Variants in FAR2 observed in about 807,000 individuals in gnomAD.
The protein encoded by FAR2 is fatty acyl-CoA reductase 2.
In FAR2, 19 loss-of-function variants were observed where a neutral mutation model predicts 56.0. The observed-to-expected ratio is 0.34, with a 90% CI of 0.24 to 0.50. FAR2 has a LOEUF of 0.50. Among genes scored for constraint, FAR2 ranks in the 20% least tolerant of loss-of-function variants. The pLI is 0.98. For synonymous variants in FAR2, 219 were observed against 218.8 expected, an observed-to-expected ratio of 1.00 and a Z score of -0.01; for missense variants, 508 against 642.2, an observed-to-expected ratio of 0.79 and a Z score of 2.26.
chr12:29,196,629 A>T (rs1341776562), intron 1 of FAR2, among the ~76,000 whole-genome samples: 1 of 152,188 alleles, frequency 6.6e-6, no homozygotes, highest in African/African-American at 2.4e-5. Context: ...TGGATTAAAG[A>T]CCTACATGTA....
intron 1 of FAR2, among the ~76,000 whole-genome samples, chr12:29,242,922 T>C (rs948056139): frequency 6.6e-6 from 1 of 152,182 alleles, no homozygotes; most frequent in Non-Finnish European, 1.5e-5. Context: ...ATAATAGTTA[T>C]GTGGAACTAA....
intron 1 of FAR2, among the ~76,000 whole-genome samples, chr12:29,174,965 A>T (rs1277445561): frequency 1.3e-5 from 2 of 152,128 alleles, no homozygotes; most frequent in Non-Finnish European, 2.9e-5. Context: ...AGTACAGGAG[A>T]TGTGGAACCT....
At chr12:29,167,692 C>A (rs1949842155) in intron 1 of FAR2, among the ~76,000 whole-genome samples, 1 of 152,186 alleles carries the variant, frequency 6.6e-6, no homozygotes, top group South Asian at 2.1e-4. Context: ...AGTAATGCCT[C>A]CACGGAGTTG....
intron 2 of FAR2, among the ~76,000 whole-genome samples, chr12:29,276,081 G>T (rs903716732): frequency 1.3e-5 from 2 of 152,160 alleles, no homozygotes; most frequent in Admixed American, 1.3e-4. Context: ...ACGACCAATT[G>T]TGAGTTGTGT....
chr12:29,327,593 A>T (rs1949669931), intron 10 of FAR2, among the ~76,000 whole-genome samples: 1 of 152,198 alleles, frequency 6.6e-6, no homozygotes, highest in African/African-American at 2.4e-5. Context: ...CCTCAGAAAC[A>T]ATGCTGCATA....
chr12:29,302,569 G>T (rs1949193759), intron 4 of FAR2, among the ~76,000 whole-genome samples: 1 of 151,848 alleles, frequency 6.6e-6, no homozygotes, highest in African/African-American at 2.4e-5. Context: ...AGGGGAGGAT[G>T]GGCCATACTG....
intron 1 of FAR2, among the ~76,000 whole-genome samples, chr12:29,149,965 C>G: frequency 6.6e-6 from 1 of 152,212 alleles, no homozygotes; most frequent in African/African-American, 2.4e-5. Flanking sequence ...AGGCTGCGCA[C>G]GTCCCTACCC....
chr12:29,294,433 C>T (rs771671790), intron 3 of FAR2, among the ~76,000 whole-genome samples: 17 of 152,008 alleles, frequency 1.1e-4, no homozygotes, highest in Non-Finnish European at 2.2e-4. Flanking sequence ...CTGCAACCTC[C>T]GCCTCCTGGG....
At position 29,296,930 on chromosome 12, in the gene FAR2, T is replaced by C. The variant is rs567786672; in HGVS notation, c.366-91T>C. ...TTTTGGTGCGGCCACCAAAATCTGA[T>C]AGGTATGCCAGTTATTGGAGTAGGT... On this transcript the variant is annotated intron_variant, in intron 3 of 11. Transcript: ENST00000536681. 69 of 1,234,112 alleles carry C rather than the reference T, an allele frequency of 5.6e-5. No homozygotes were observed. The South Asian group carries it at 1.0e-3, about 18-fold the overall frequency. 76.4% of individuals were successfully genotyped at this position (1,234,112 alleles called of 1,614,324 possible). A position where few individuals can be genotyped will look rare whatever the true frequency, so the allele number is the denominator to read the frequency against.
intron 1 of FAR2, chr12:29,157,118 ATATATATATATATATATATATATATATG>A (rs1949735530): frequency 1.5e-5 from 2 of 132,584 alleles, no homozygotes; most frequent in South Asian, 4.8e-4. Flanking sequence ...ATATATATAT[ATATATATATATATATATATATATATATG>A]TATCAATGTG....
chr12:29,301,194 A>AACTT (rs1949158041), intron 4 of FAR2, among the ~76,000 whole-genome samples: 1 of 152,222 alleles, frequency 6.6e-6, no homozygotes, highest in African/African-American at 2.4e-5. Flanking sequence ...TTTTAAAAAT[A>AACTT]ACTTAAATCA....
intron 4 of FAR2, among the ~76,000 whole-genome samples, chr12:29,305,266 T>C (rs1949237660): frequency 6.6e-6 from 1 of 152,154 alleles, no homozygotes. Context: ...CCTGAGTAGC[T>C]GGAACTGCAG....
intron 1 of FAR2, among the ~76,000 whole-genome samples, chr12:29,190,861 T>C (rs1950097866): frequency 6.6e-6 from 1 of 152,208 alleles, no homozygotes; most frequent in Admixed American, 6.5e-5. Flanking sequence ...ATTTTTACAT[T>C]AATTTTGTTT....
At position 29,326,253 on chromosome 12, in the gene FAR2, ATAAT is replaced by A. The variant is rs1438459541; in HGVS notation, c.1257+4334_1257+4337del. ...AATAACAGGCTCTGAAATTGAGGCA[ATAAT>A]TAATAGCTTACCAACCAAAAAAAGT... On this transcript the variant is annotated intron_variant, in intron 10 of 11. Coordinates refer to ENST00000536681, the MANE Select transcript of FAR2 (RefSeq NM_001271783.2). Among the ~76,000 whole-genome samples, 5 of 152,346 alleles carry A rather than the reference ATAAT, an allele frequency of 3.3e-5. No homozygotes were observed. In the South Asian group the frequency reaches 6.2e-4, roughly 19 times the overall value.
intron 1 of FAR2, among the ~76,000 whole-genome samples, chr12:29,187,585 T>G (rs1431989115): frequency 6.6e-6 from 1 of 152,126 alleles, no homozygotes; most frequent in African/African-American, 2.4e-5. Context: ...AGGGAATGAT[T>G]TATTCATAAT....
chr12:29,207,243 C>T (rs933764422), intron 1 of FAR2, among the ~76,000 whole-genome samples: 1 of 152,186 alleles, frequency 6.6e-6, no homozygotes, highest in African/African-American at 2.4e-5. Context: ...TGTATTTCCT[C>T]ACTTCCCACT....
intron 1 of FAR2, among the ~76,000 whole-genome samples, chr12:29,212,035 AG>A (rs1387271954): frequency 2.0e-5 from 3 of 151,668 alleles, no homozygotes; most frequent in Admixed American, 2.0e-4. Flanking sequence ...GTGCCTTCAG[AG>A]GGATCAGCCT....
At chr12:29,303,186 G>A (rs548127068) in intron 4 of FAR2, among the ~76,000 whole-genome samples, 1 of 152,264 alleles carries the variant, frequency 6.6e-6, no homozygotes, top group Non-Finnish European at 1.5e-5. Flanking sequence ...TGAAAATACA[G>A]ATTATCAGAC....
chr12:29,273,627 C>T (rs1286633518), intron 2 of FAR2, among the ~76,000 whole-genome samples: 1 of 152,244 alleles, frequency 6.6e-6, no homozygotes, highest in Admixed American at 6.5e-5. Flanking sequence ...GCCCCTCCCC[C>T]AAGGAGCTCA....
Sources: allele counts gnomAD v4.1 joint callset (sites outside exome capture counted in the v4.1 genomes callset), GRCh38; gene constraint gnomAD v4.1.1; transcripts MANE v1.5; gene names NCBI Gene and HGNC (gene_info 2026-07-23, HGNC 2026-07-21).